Variants in NTRK2 observed in about 807,000 individuals in gnomAD.
NTRK2 encodes the protein neurotrophic receptor tyrosine kinase 2.
In NTRK2, 13 loss-of-function variants were observed where a neutral mutation model predicts 94.5. The ratio of observed to expected loss-of-function variants is 0.14; its 90% CI spans 0.09 to 0.22. NTRK2 has a LOEUF of 0.22. NTRK2 is among the 10% of genes least tolerant of loss of function. NTRK2 has a pLI of 1.00. For missense variants in NTRK2, 639 were observed against 1,071.2 expected (o/e 0.60, Z 5.63); for synonymous variants, 372 against 407.4 (o/e 0.91, Z 1.05).
At chr9:84,890,471 G>C (rs2076563988) in intron 14 of NTRK2, among the ~76,000 whole-genome samples, 1 of 152,150 alleles carries the variant, frequency 6.6e-6, no homozygotes, top group Non-Finnish European at 1.5e-5. Flanking sequence ...CTTAGCCTTG[G>C]CTTTAGGTTG....
rs532279151 is a variant in NTRK2 at position 84,738,510 on chromosome 9, C to T, written c.1160-3382C>T. 2.6e-5 allele frequency among the ~76,000 whole-genome samples: 4 copies of T among 152,316 alleles called. No homozygotes were observed. The South Asian group carries it at 6.2e-4, about 24-fold the overall frequency. On this transcript the variant is annotated intron_variant, in intron 9 of 18. Transcript: ENST00000277120. ...CCAGAAGTCTAAAAAGAAAGTGATA[C>T]ATTTTTTCTGTCAGCATTTAAAATG...
chr9:84,842,837 A>G (rs571210320), intron 12 of NTRK2, among the ~76,000 whole-genome samples: 8 of 152,358 alleles, frequency 5.3e-5, no homozygotes, highest in African/African-American at 1.9e-4. Context: ...AAGGCCTTAG[A>G]AGACCTTAGA....
intron 12 of NTRK2, chr9:84,811,549 C>G (rs2071790650): frequency 1.9e-6 from 2 of 1,065,182 alleles, no homozygotes; most frequent in South Asian, 4.6e-5. Flanking sequence ...AGAACTGCAG[C>G]TTTTCTACTC....
chr9:84,865,221 G>T (rs1362799581), intron 13 of NTRK2, among the ~76,000 whole-genome samples: 3 of 152,128 alleles, frequency 2.0e-5, no homozygotes, highest in Admixed American at 6.6e-5. Context: ...CAACTGATGG[G>T]TTTGCCTTTG....
chr9:84,861,674 T>C (rs1384100259), intron 13 of NTRK2, among the ~76,000 whole-genome samples: 1 of 152,202 alleles, frequency 6.6e-6, no homozygotes, highest in Non-Finnish European at 1.5e-5. Flanking sequence ...CTCATTAGAA[T>C]TGAAATCAGG....
At chr9:84,861,615 A>G (rs1640573626) in intron 13 of NTRK2, among the ~76,000 whole-genome samples, 1 of 152,172 alleles carries the variant, frequency 6.6e-6, no homozygotes, top group African/African-American at 2.4e-5. Context: ...TGTGCTGACA[A>G]TTGAAAAGCA....
At chr9:84,946,554 C>T (rs1445459512) in intron 15 of NTRK2, among the ~76,000 whole-genome samples, 1 of 152,174 alleles carries the variant, frequency 6.6e-6, no homozygotes, top group African/African-American at 2.4e-5. Context: ...CTCTGGCCTG[C>T]AGTGCAGAGG....
chr9:84,865,281 C>T (rs970068804), intron 13 of NTRK2, among the ~76,000 whole-genome samples: 15 of 152,068 alleles, frequency 9.9e-5, no homozygotes, highest in Non-Finnish European at 1.6e-4. Flanking sequence ...GACTTGTTTG[C>T]AGAATTGAGC....
chr9:84,875,591 A>G (rs561335155), intron 14 of NTRK2: 2 of 1,062,174 alleles, frequency 1.9e-6, no homozygotes, highest in East Asian at 5.1e-5. Context: ...TAAAGGGCCA[A>G]ACTAGTTACA....
intron 12 of NTRK2, among the ~76,000 whole-genome samples, chr9:84,842,548 C>T (rs569757652): frequency 6.6e-6 from 1 of 152,202 alleles, no homozygotes; most frequent in East Asian, 1.9e-4. Context: ...CTCTGCCTCT[C>T]CTCGTTTTCC....
rs202175762 is a variant in NTRK2 at position 84,861,100 on chromosome 9, C to T, written c.1444+13C>T. 1.6e-5 allele frequency: 26 copies of T among 1,601,112 alleles called. No individual in the cohort carries two copies. The highest frequency in any genetic ancestry group is 1.7e-5 in the Non-Finnish European group (20 of 1,168,674). On this transcript the variant is annotated intron_variant, in intron 13 of 18. Transcript: ENST00000277120. ...AGACAAGGTGTTGGTAAGTAGTTAA[C>T]TCACTCCTTCTTTGGATAAGTAATG...
chr9:84,855,445 G>A (rs759798195), intron 12 of NTRK2, among the ~76,000 whole-genome samples: 1 of 152,136 alleles, frequency 6.6e-6, no homozygotes, highest in Non-Finnish European at 1.5e-5. Context: ...GCATTTGGGG[G>A]TGAGAACTCT....
At chr9:84,923,930 A>C (rs971400792) in intron 14 of NTRK2, among the ~76,000 whole-genome samples, 2 of 151,834 alleles carry the variant, frequency 1.3e-5, no homozygotes. Flanking sequence ...AAAACAAACA[A>C]ACAAACAAAC....
At chr9:84,718,755 C>A (rs1297131303) in intron 6 of NTRK2, among the ~76,000 whole-genome samples, 1 of 152,130 alleles carries the variant, frequency 6.6e-6, no homozygotes, top group African/African-American at 2.4e-5. Flanking sequence ...AGAAGTAGTG[C>A]CTGGCAAATG....
intron 12 of NTRK2, among the ~76,000 whole-genome samples, chr9:84,782,341 A>G (rs947851141): frequency 6.6e-5 from 10 of 152,196 alleles, no homozygotes; most frequent in Non-Finnish European, 1.3e-4. Flanking sequence ...AAGCAGGAAA[A>G]GGGAAAAGCA....
At chr9:84,838,177 G>A (rs1473499465) in intron 12 of NTRK2, among the ~76,000 whole-genome samples, 1 of 152,118 alleles carries the variant, frequency 6.6e-6, no homozygotes, top group Non-Finnish European at 1.5e-5. Context: ...AATGGCAAAC[G>A]TGTCACTCAG....
intron 14 of NTRK2, among the ~76,000 whole-genome samples, chr9:84,893,971 C>T (rs376442051): frequency 2.0e-5 from 3 of 152,090 alleles, no homozygotes; most frequent in East Asian, 1.9e-4. Context: ...ATGTGCCCCA[C>T]GAGGCCTGTC....
intron 12 of NTRK2, among the ~76,000 whole-genome samples, chr9:84,824,733 G>A (rs1047001262): frequency 8.5e-5 from 13 of 152,196 alleles, no homozygotes; most frequent in South Asian, 4.1e-4. Flanking sequence ...ACACTTGTCC[G>A]CTGCTGGAAA....
intron 12 of NTRK2, among the ~76,000 whole-genome samples, chr9:84,766,362 A>G (rs1480749669): frequency 6.6e-6 from 1 of 152,118 alleles, no homozygotes; most frequent in Non-Finnish European, 1.5e-5. Context: ...GACTTGCAGC[A>G]TTTAGGAGTT....
Sources: allele counts gnomAD v4.1 joint callset (sites outside exome capture counted in the v4.1 genomes callset), GRCh38; gene constraint gnomAD v4.1.1; transcripts MANE v1.5; gene names NCBI Gene and HGNC (gene_info 2026-07-23, HGNC 2026-07-21).